The following FBN3 variants were observed in gnomAD, a reference collection of about 807,000 sequenced individuals.
FBN3 encodes fibrillin-3.
FBN3 carries 234 observed loss-of-function variants against 330.1 expected under a neutral mutation model. That is an observed-to-expected ratio of 0.71 (90% CI 0.64 to 0.79). The LOEUF is 0.79. Ranked by LOEUF, FBN3 falls within the 30% of genes least tolerant of loss-of-function variation. FBN3 has a pLI of 0.00. For synonymous variants in FBN3, 1,458 were observed against 1,517.3 expected, an observed-to-expected ratio of 0.96 and a Z score of 0.91; for missense variants, 3,606 against 3,886.9, an observed-to-expected ratio of 0.93 and a Z score of 1.92.
chr19:8,110,900 G>C lies in FBN3; in HGVS notation c.4278C>G (p.Phe1426Leu). ...FGSCENLPGM[F>L]RCICNGGYEL... ...CGTAGCCACCATTGCAGATGCAGCG[G>C]AACATTCCAGGCAGGTTCTCACAGC... Residue 1426 changes from phenylalanine (F) to leucine (L), a missense_variant, in exon 34 of 64, where the codon TTC becomes TTG. Transcript: ENST00000600128. The C allele has an allele frequency of 6.2e-7, 1 of 1,614,262 alleles. No individual in the cohort carries two copies. Among genetic ancestry groups the C allele is most frequent in the South Asian group, 1.1e-5 (1 of 91,088 alleles).
chr19:8,126,300 C>T lies in FBN3; in HGVS notation c.2602G>A (p.Asp868Asn), dbSNP rs35025963. 0.3 allele frequency: 468,162 copies of T among 1,585,508 alleles called. 72,251 individuals carry two copies. The highest frequency in any genetic ancestry group is 0.42 in the South Asian group (36,587 of 86,662). ...CTGGACACGGGCAGGCAGTTACCAT[C>T]GCAGGTGACACCCGTCATCCGGGCA... ...GFARMTGVTCDDVNECESFPG... is the reference protein window; with the variant it reads ...GFARMTGVTCNDVNECESFPG... Residue 868 changes from aspartate (D) to asparagine (N), a missense_variant, in exon 21 of 64, where the codon GAT (aspartate) becomes AAT (asparagine). Transcript: ENST00000600128.
chr19:8,094,108 A>G (rs2082158174), intron 47 of FBN3, among the ~76,000 whole-genome samples: 1 of 152,170 alleles, frequency 6.6e-6, no homozygotes. Flanking sequence ...AATCATCTCT[A>G]TGGGTGATTA....
chr19:8,094,952 G>A (rs1443973904), intron 46 of FBN3, among the ~76,000 whole-genome samples: 2 of 152,194 alleles, frequency 1.3e-5, no homozygotes, highest in Non-Finnish European at 2.9e-5. Context: ...TAGGTTTGAT[G>A]TGCTGATTTT....
intron 61 of FBN3, 47 bp downstream of exon 61, chr19:8,075,024 C>A: frequency 1.3e-6 from 2 of 1,580,534 alleles, no homozygotes; most frequent in Non-Finnish European, 8.6e-7. Context: ...CTGCTCTGAG[C>A]AGATTCTGGT....
At chr19:8,125,790 CAAAA>C (rs368396188) in intron 22 of FBN3, 98 bp downstream of exon 22, 319 of 1,078,180 alleles carry the variant, frequency 3.0e-4, no homozygotes, top group Admixed American at 6.1e-4. Flanking sequence ...GACTCCATCT[CAAAA>C]AAAAAAAAAA....
rs1011497093 is a variant in FBN3 at position 8,129,144 on chromosome 19, T to G, written c.2180A>C (p.Glu727Ala). Residue 727 changes from glutamate (E) to alanine (A), a missense_variant, in exon 18 of 64, where the codon GAG (glutamate) becomes GCG (alanine). Glu to Ala is a moderately radical substitution (Grantham distance 107). Coordinates refer to ENST00000600128, the MANE Select transcript of FBN3 (RefSeq NM_032447.5). The surrounding 1 kb of genome is among the most constrained non-coding windows in gnomAD (Gnocchi z 4.5). ...ACACAGGAGGCTGTTGAGGGCACAC[T>G]CATCCACGTCTGTGGGGTGGGGGTG... ...ASGKDCTDVDECALNSLLCDN... is the reference protein window; with the variant it reads ...ASGKDCTDVDACALNSLLCDN... 2 of 1,612,418 alleles carry G rather than the reference T, an allele frequency of 1.2e-6. No homozygotes were observed. The highest frequency in any genetic ancestry group is 1.7e-5 in the Admixed American group (1 of 59,930).
chr19:8,112,601 G>A (rs1310926009), intron 30 of FBN3, among the ~76,000 whole-genome samples: 1 of 152,184 alleles, frequency 6.6e-6, no homozygotes, highest in Non-Finnish European at 1.5e-5. Context: ...AGTGAGCAGA[G>A]GTTGTGCCAC....
chr19:8,138,198 G>A lies in FBN3; in HGVS notation c.1144C>T (p.Pro382Ser). Residue 382 changes from proline to serine, a missense_variant, in exon 10 of 64, where the codon CCC becomes TCC. Coordinates refer to ENST00000600128, the MANE Select transcript of FBN3 (RefSeq NM_032447.5). ...GPPLGPARLN[P>S]HGSDARGIPS... is the part of the protein sequence containing the mutation. ...ATCCCACGCGCATCAGAGCCATGGG[G>A]GTTGAGTCGCGCTGGCCCAAGAGGG... 1.1e-5 allele frequency: 18 copies of A among 1,613,066 alleles called. No individual in the cohort carries two copies. Among genetic ancestry groups the A allele is most frequent in the Non-Finnish European group, 1.5e-5 (18 of 1,179,690 alleles).
chr19:8,081,598 A>T, intron 57 of FBN3, 118 bp from the exon 58 acceptor site: 1 of 1,192,102 alleles, frequency 8.4e-7, no homozygotes, highest in Non-Finnish European at 1.2e-6. Flanking sequence ...TTACACAGGA[A>T]TGAACACTTC....
At chr19:8,141,456 C>A (rs1459429694) in intron 8 of FBN3, among the ~76,000 whole-genome samples, 3 of 152,066 alleles carry the variant, frequency 2.0e-5, no homozygotes, top group Non-Finnish European at 4.4e-5. Flanking sequence ...CCTCGGTTCA[C>A]TCAGGCAGTG....
At chr19:8,138,349 G>T (rs1401502842) in intron 9 of FBN3, 26 bp from the exon 10 acceptor site, 1 of 1,610,944 alleles carries the variant, frequency 6.2e-7, no homozygotes, top group East Asian at 2.2e-5. Flanking sequence ...GTTGAGGCCA[G>T]GCCCTTGGCC....
At chr19:8,122,075 G>A (rs1411525920) in intron 24 of FBN3, among the ~76,000 whole-genome samples, 1 of 152,148 alleles carries the variant, frequency 6.6e-6, no homozygotes, top group Non-Finnish European at 1.5e-5. Context: ...AGGCTGGAGT[G>A]CAGTGGTGTG....
At chr19:8,119,682 T>A (rs560768828) in intron 25 of FBN3, among the ~76,000 whole-genome samples, 130 of 151,896 alleles carry the variant, frequency 8.6e-4, no homozygotes, top group African/African-American at 2.9e-3. Flanking sequence ...CCCAGCTAAT[T>A]TTTGTATTTT....
intron 30 of FBN3, 84 bp from the exon 31 acceptor site, chr19:8,112,183 T>C: frequency 1.4e-6 from 2 of 1,434,612 alleles, no homozygotes; most frequent in Non-Finnish European, 1.9e-6. Context: ...GCAGGGACTC[T>C]TCCTCTCTAG....
chr19:8,137,132 C>CCTCCAACCTGGGGCCTAGATCT (rs1555754260), intron 10 of FBN3, among the ~76,000 whole-genome samples: 355 of 149,514 alleles, frequency 2.4e-3, no homozygotes, highest in South Asian at 5.6e-3. Flanking sequence ...AACCCAGATT[C>CCTCCAACCTGGGGCCTAGATCT]CTCCAACCTG....
In FBN3 at chr19:8,075,368, G is replaced by T; in HGVS notation, c.7497C>A (p.His2499Gln). The T allele has an allele frequency of 6.2e-7, 1 of 1,614,052 alleles. No homozygotes were observed. The highest frequency in any genetic ancestry group is 8.5e-7 in the Non-Finnish European group (1 of 1,179,960). ...TGCCCGGGGTGTTGTGGCAGTGCCC[G>T]TGGGCACCACATGGGCCAGGCTGGG... ...CSAQPGPCGA[H>Q]GHCHNTPGSF... is the part of the protein sequence containing the mutation. The change falls in exon 60 of 64, where the codon CAC becomes CAA. Residue 2499 changes from histidine to glutamine, a missense_variant. His to Gln is a conservative substitution (Grantham distance 24). Transcript: ENST00000600128.
intron 58 of FBN3, 26 bp downstream of exon 58, chr19:8,081,332 G>A (rs201851276): frequency 1.3e-6 from 2 of 1,580,820 alleles, no homozygotes; most frequent in Admixed American, 1.8e-5. Context: ...AGTGGTGGGA[G>A]TGGGGGAGAG....
At position 8,131,363 on chromosome 19, in the gene FBN3, A is replaced by T. The variant is rs2083141974; in HGVS notation, c.1991-75T>A. On this transcript the variant is annotated intron_variant, in intron 15 of 63. Transcript: ENST00000600128. This position sits in a 1 kb window ranked among gnomAD's most constrained non-coding sequence, Gnocchi z 4.5. The stretch of plus-strand genomic sequence containing the variant: ...TCGGATTCAGCCACAGGCAAGGATG[A>T]GGCCCTCTGGTCTTGGGCAAGAGTT... The T allele has an allele frequency of 1.3e-6, 2 of 1,547,894 alleles. No homozygotes were observed. Among genetic ancestry groups the T allele is most frequent in the African/African-American group, 2.7e-5 (2 of 73,732 alleles).
rs1015737157 is a variant in FBN3, at chr19:8,126,734, G to T, written c.2395C>A (p.Pro799Thr). The T allele has an allele frequency of 1.3e-6, 2 of 1,587,380 alleles. No homozygotes were observed. The highest frequency in any genetic ancestry group is 3.6e-5 in the Admixed American group (2 of 55,130). ...CKCGPGSRLDPSGTFCLDSTK... is the reference protein window; with the variant it reads ...CKCGPGSRLDTSGTFCLDSTK... ...TCACCTAGACAGAAGGTACCAGAGG[G>T]GTCCAGCCGGCTGCCAGGGCCACAT... Residue 799 changes from proline to threonine, a missense_variant, in exon 19 of 64, where the codon CCC becomes ACC. By Grantham distance (38) the Pro-to-Thr change is conservative. Transcript: ENST00000600128.
Sources: gnomAD v4.1 joint callset for allele counts (sites outside exome capture counted in the v4.1 genomes callset) on GRCh38, gnomAD v4.1.1 for gene constraint, Gnocchi (gnomAD v3.1) non-coding constraint, MANE v1.5 for transcripts, NCBI Gene and HGNC (gene_info 2026-07-23, HGNC 2026-07-21) for gene names.